ASTN1: variants seen among roughly 807,000 people sequenced by gnomAD.
ASTN1 encodes astrotactin 1, also known as astrotactin-1.
A neutral mutation model predicts 140.7 loss-of-function variants in ASTN1; 41 were observed. The ratio of observed to expected loss-of-function variants is 0.29; its 90% CI spans 0.23 to 0.38. The LOEUF is 0.38. Among genes scored for constraint, ASTN1 ranks in the 10% least tolerant of loss-of-function variants. The pLI, the probability that ASTN1 is intolerant of heterozygous loss-of-function variation, is 1.00. For missense variants in ASTN1, 1,479 were observed against 1,678.8 expected (o/e 0.88, Z 2.08); for synonymous variants, 640 against 652.2 (o/e 0.98, Z 0.29).
chr1:177,163,158 G>A (rs1647487044), intron 1 of ASTN1, among the ~76,000 whole-genome samples: 1 of 152,122 alleles, frequency 6.6e-6, no homozygotes, highest in Admixed American at 6.5e-5. Context: ...TGGCCATCAG[G>A]AAACCATGTT....
intron 8 of ASTN1, among the ~76,000 whole-genome samples, chr1:176,988,446 G>GA (rs1181022303): frequency 6.6e-6 from 1 of 152,014 alleles, no homozygotes; most frequent in African/African-American, 2.4e-5. Context: ...TAGACATGAG[G>GA]AAAAAATGAA....
At chr1:177,077,318 T>C (rs1381118460) in intron 1 of ASTN1, among the ~76,000 whole-genome samples, 1 of 152,150 alleles carries the variant, frequency 6.6e-6, no homozygotes, top group Non-Finnish European at 1.5e-5. Context: ...ATGCCTAATT[T>C]GACTCTGGTG....
intron 16 of ASTN1, among the ~76,000 whole-genome samples, chr1:176,902,491 T>C (rs1408491305): frequency 6.6e-6 from 1 of 152,158 alleles, no homozygotes; most frequent in African/African-American, 2.4e-5. Context: ...CAAATAACGG[T>C]CTGGTTGAGG....
At chr1:176,897,978 T>C (rs1669595644) in intron 16 of ASTN1, among the ~76,000 whole-genome samples, 1 of 152,124 alleles carries the variant, frequency 6.6e-6, no homozygotes, top group South Asian at 2.1e-4. Context: ...TAGAGGGCGC[T>C]GCGACCACAA....
intron 11 of ASTN1, among the ~76,000 whole-genome samples, chr1:176,955,109 C>T (rs534981309): frequency 6.6e-6 from 1 of 152,294 alleles, no homozygotes; most frequent in African/African-American, 2.4e-5. Context: ...TTCTGAGTTT[C>T]TTATCTCTCT....
At chr1:176,927,760 C>A (rs1671032085) in intron 16 of ASTN1, among the ~76,000 whole-genome samples, 1 of 152,166 alleles carries the variant, frequency 6.6e-6, no homozygotes, top group East Asian at 1.9e-4. Flanking sequence ...CAGCTTTCTG[C>A]AGATAAAAAG....
intron 8 of ASTN1, among the ~76,000 whole-genome samples, chr1:177,000,442 A>G (rs1241720486): frequency 6.6e-6 from 1 of 152,212 alleles, no homozygotes; most frequent in Non-Finnish European, 1.5e-5. Flanking sequence ...CTTATGATCT[A>G]AAGAATAGTT....
At chr1:176,988,339 C>T (rs1382286947) in intron 8 of ASTN1, among the ~76,000 whole-genome samples, 1 of 145,770 alleles carries the variant, frequency 6.9e-6, no homozygotes, top group African/African-American at 2.5e-5. Flanking sequence ...AAAAACCTTT[C>T]CTTTTAGATC....
At chr1:176,936,181 G>A (rs747040682) in intron 15 of ASTN1, 85 bp downstream of exon 15, 24 of 1,228,062 alleles carry the variant, frequency 2.0e-5, no homozygotes, top group African/African-American at 1.3e-4. Flanking sequence ...CTGCATCTTC[G>A]ACAGTGGGAC....
At chr1:177,152,037 G>A (rs1386834168) in intron 1 of ASTN1, among the ~76,000 whole-genome samples, 1 of 152,138 alleles carries the variant, frequency 6.6e-6, no homozygotes, top group East Asian at 1.9e-4. Flanking sequence ...ATATGGGAAA[G>A]ATAATAAGGT....
At position 176,873,360 on chromosome 1, in the gene ASTN1, GGT is replaced by G. The variant is rs768889861; in HGVS notation, c.3463+3175_3463+3176del. Among the ~76,000 whole-genome samples the G allele has an allele frequency of 1.6e-4, 25 of 152,240 alleles. No homozygotes were observed. In the East Asian group the frequency reaches 2.5e-3, roughly 15 times the overall value. On this transcript the variant is annotated intron_variant, in intron 21 of 22. Coordinates refer to ENST00000361833, the MANE Select transcript of ASTN1 (RefSeq NM_004319.3). Reference sequence around the variant, plus strand: ...AGCTTGAACCTACTGGGGGAAGGCTGGTTTCAGCAAAACATCGGTAGAAACTT... The same window carrying G: ...AGCTTGAACCTACTGGGGGAAGGCTGTTCAGCAAAACATCGGTAGAAACTT...
intron 1 of ASTN1, among the ~76,000 whole-genome samples, chr1:177,094,178 C>T (rs982061919): frequency 2.0e-5 from 3 of 152,236 alleles, no homozygotes; most frequent in South Asian, 2.1e-4. Flanking sequence ...AGATATTATC[C>T]TCCACTGTAC....
Position 176,921,215 on chromosome 1 carries a change from T to C in ASTN1, c.2671+12937A>G, listed in dbSNP as rs569599260. Reference sequence around the variant, plus strand: ...TCCTTAACATTAGATTTTTCTTATATATTTGTATTTTTCCTTTAACTTATA... The same window carrying C: ...TCCTTAACATTAGATTTTTCTTATACATTTGTATTTTTCCTTTAACTTATA... On this transcript the variant is annotated intron_variant, in intron 16 of 22. Coordinates refer to ENST00000361833, the MANE Select transcript of ASTN1 (RefSeq NM_004319.3). 2.2e-4 allele frequency among the ~76,000 whole-genome samples: 33 copies of C among 152,346 alleles called. No homozygotes were observed. In the South Asian group the frequency reaches 6.8e-3, roughly 32 times the overall value.
chr1:176,862,813 T>A lies in ASTN1; in HGVS notation c.*1471A>T, dbSNP rs1217168273. ...CATACAGCAAGCACTCAATAAATGT[T>A]ATCTGTCACTACTACTATTTAGAAA... On this transcript the variant is annotated 3_prime_UTR_variant, in exon 23 of 23. Transcript: ENST00000361833. 3 of 985,164 alleles carry A rather than the reference T, an allele frequency of 3.0e-6. No individual in the cohort carries two copies. The highest frequency in any genetic ancestry group is 3.6e-6 in the Non-Finnish European group (3 of 829,774). 61.0% of individuals were successfully genotyped at this position (985,164 alleles called of 1,614,324 possible). A position where few individuals can be genotyped will look rare whatever the true frequency, so the allele number is the denominator to read the frequency against.
intron 1 of ASTN1, among the ~76,000 whole-genome samples, chr1:177,097,960 C>A (rs953659878): frequency 6.6e-6 from 1 of 152,186 alleles, no homozygotes; most frequent in Admixed American, 6.5e-5. Flanking sequence ...CATCTTCCCC[C>A]ACCCCATACC....
chr1:177,090,157 G>A (rs906167035), intron 1 of ASTN1, among the ~76,000 whole-genome samples: 11 of 151,392 alleles, frequency 7.3e-5, no homozygotes, highest in South Asian at 4.2e-4. Context: ...CAATTTTTAC[G>A]AGAGCCAACC....
At chr1:177,154,502 C>T (rs760699717) in intron 1 of ASTN1, among the ~76,000 whole-genome samples, 12 of 151,992 alleles carry the variant, frequency 7.9e-5, no homozygotes, top group Non-Finnish European at 1.5e-4. Context: ...TACAGAAATC[C>T]CTATTGGACA....
intron 1 of ASTN1, among the ~76,000 whole-genome samples, chr1:177,148,580 T>C (rs1558129796): frequency 1.3e-5 from 2 of 151,932 alleles, no homozygotes; most frequent in African/African-American, 4.8e-5. Context: ...GGGAAATAAC[T>C]AGGCCTTTGA....
chr1:177,089,593 C>T (rs935303794), intron 1 of ASTN1, among the ~76,000 whole-genome samples: 3 of 152,142 alleles, frequency 2.0e-5, no homozygotes, highest in African/African-American at 7.2e-5. Flanking sequence ...GCCATCCTTT[C>T]TCTCGCACAC....
Sources: gnomAD v4.1 joint callset for allele counts (sites outside exome capture counted in the v4.1 genomes callset) on GRCh38, gnomAD v4.1.1 for gene constraint, MANE v1.5 for transcripts, NCBI Gene and HGNC (gene_info 2026-07-23, HGNC 2026-07-21) for gene names.